Variants in RNASE10 observed in about 807,000 individuals in gnomAD.
RNASE10 encodes the protein inactive ribonuclease-like protein 10.
RNASE10 carries 2 observed loss-of-function variants against 1.1 expected under a neutral mutation model. The ratio of observed to expected loss-of-function variants is 1.82; its 90% CI spans 0.74 to 5.73. The LOEUF (loss-of-function observed/expected upper bound fraction) is 5.73, where lower values mean the gene tolerates loss of function less well. Ranked by LOEUF, RNASE10 falls within the 30% of genes most tolerant of loss-of-function variation. RNASE10 has a pLI of 0.05. For synonymous variants in RNASE10, 97 were observed against 96.2 expected, an observed-to-expected ratio of 1.01 and a Z score of -0.05; for missense variants, 276 against 263.4, an observed-to-expected ratio of 1.05 and a Z score of -0.33.
At chr14:20,504,920 G>A (rs549925987), upstream of RNASE10, among the ~76,000 whole-genome samples, 1 of 151,924 alleles carries the variant, frequency 6.6e-6, no homozygotes, top group South Asian at 2.1e-4. Flanking sequence ...GCCAGCCCCC[G>A]CCACACGTAC....
chr14:20,506,345 C>G (rs1485350314), intron 1 of RNASE10, among the ~76,000 whole-genome samples: 2 of 129,284 alleles, frequency 1.5e-5, no homozygotes, highest in African/African-American at 6.1e-5. Context: ...GCCAGCCGCC[C>G]AGTCCGGGAG....
At chr14:20,511,208 T>A, downstream of RNASE10, 2 of 1,102,710 alleles carry the variant, frequency 1.8e-6, no homozygotes, top group Non-Finnish European at 1.2e-6. Flanking sequence ...CTCCTGATCT[T>A]AGGTATCATG....
At chr14:20,511,744 C>G (rs1393019638), downstream of RNASE10, among the ~76,000 whole-genome samples, 1 of 152,162 alleles carries the variant, frequency 6.6e-6, no homozygotes, top group African/African-American at 2.4e-5. Flanking sequence ...CTTCACTGCC[C>G]TTTTCTCTTT....
chr14:20,512,850 C>T (rs1051775416), downstream of RNASE10, among the ~76,000 whole-genome samples: 1 of 151,870 alleles, frequency 6.6e-6, no homozygotes, highest in Non-Finnish European at 1.5e-5. Flanking sequence ...AATCCCTCTC[C>T]GGGGAAAGAG....
intron 1 of RNASE10, among the ~76,000 whole-genome samples, chr14:20,507,899 C>T (rs1314854392): frequency 1.3e-5 from 2 of 152,028 alleles, no homozygotes; most frequent in Non-Finnish European, 2.9e-5. Flanking sequence ...AGACACACGC[C>T]ACCAAGCCAG....
chr14:20,511,285 T>A, downstream of RNASE10: 1 of 520,008 alleles, frequency 1.9e-6, no homozygotes, highest in Non-Finnish European at 3.2e-6. Flanking sequence ...TTAGAGATGG[T>A]AGGATAAGGT....
chr14:20,510,626 A>C lies in RNASE10; in HGVS notation c.239A>C (p.Lys80Thr), dbSNP rs770499878. 2.5e-6 allele frequency: 4 copies of C among 1,614,100 alleles called. No individual in the cohort carries two copies. The South Asian group carries it at 4.4e-5, about 18-fold the overall frequency. ...TTTTGGTCCAGTGACTCACAGGACAAAGCTGAGGCCACTGAGGAGGGAGAC... is the reference window on the plus strand; with the variant it reads ...TTTTGGTCCAGTGACTCACAGGACACAGCTGAGGCCACTGAGGAGGGAGAC... Residue 80 changes from lysine to threonine, a missense_variant, in exon 2 of 2, where the codon AAA (lysine) becomes ACA (threonine). Coordinates refer to ENST00000430083, the Ensembl canonical transcript of RNASE10.
At chr14:20,506,186 G>GGC (rs1336862905) in intron 1 of RNASE10, among the ~76,000 whole-genome samples, 167 bp downstream of exon 1, 57 of 139,892 alleles carry the variant, frequency 4.1e-4, no homozygotes, top group African/African-American at 1.4e-3. Flanking sequence ...GGGAGGTGGG[G>GGC]GGGGGTCAGC....
At chr14:20,510,137 AAAAG>A (rs999166597) in intron 1 of RNASE10, among the ~76,000 whole-genome samples, 3 of 151,954 alleles carry the variant, frequency 2.0e-5, no homozygotes, top group Non-Finnish European at 2.9e-5. Context: ...AAAAAAAAAA[AAAAG>A]AATCAATTGA....
chr14:20,508,205 A>T (rs546632124), intron 1 of RNASE10, among the ~76,000 whole-genome samples: 4 of 152,326 alleles, frequency 2.6e-5, no homozygotes, highest in African/African-American at 9.6e-5. Context: ...AAGAAGAAGG[A>T]TATTTTCTTA....
At chr14:20,510,306 G>C (rs1234798051) in intron 1 of RNASE10, 161 bp from the exon 2 acceptor site, 42 of 1,035,760 alleles carry the variant, frequency 4.1e-5, no homozygotes, top group Non-Finnish European at 5.3e-5. Context: ...AGAGAAATGG[G>C]AATGGAAAGA....
At chr14:20,505,171 ACT>A (rs1276604806), upstream of RNASE10, among the ~76,000 whole-genome samples, 3 of 150,042 alleles carry the variant, frequency 2.0e-5, no homozygotes, top group Non-Finnish European at 4.4e-5. Flanking sequence ...AAAAAGTAAA[ACT>A]CTGATTGATT....
downstream of RNASE10, among the ~76,000 whole-genome samples, chr14:20,512,152 A>G (rs1266099673): frequency 1.3e-5 from 2 of 152,212 alleles, no homozygotes; most frequent in Non-Finnish European, 1.5e-5. Flanking sequence ...ATGTGGGATG[A>G]ATGGGATGGG....
At chr14:20,505,081 C>T (rs1210547701), upstream of RNASE10, among the ~76,000 whole-genome samples, 2 of 151,856 alleles carry the variant, frequency 1.3e-5, no homozygotes, top group Non-Finnish European at 2.9e-5. Context: ...CCTTGATCTG[C>T]GGTTCTACAA....
chr14:20,505,269 T>G (rs891588094), upstream of RNASE10, among the ~76,000 whole-genome samples: 1 of 10,976 alleles, frequency 9.1e-5, no homozygotes, highest in African/African-American at 8.2e-4. Context: ...TTGCTCCCTC[T>G]CCCTCTCCCT....
chr14:20,513,835 A>G (rs964616571), downstream of RNASE10, among the ~76,000 whole-genome samples: 2 of 152,248 alleles, frequency 1.3e-5, no homozygotes, highest in Non-Finnish European at 2.9e-5. Context: ...TGGGATCTAT[A>G]TATACTATTT....
At chr14:20,512,657 T>G (rs546407247), downstream of RNASE10, among the ~76,000 whole-genome samples, 1 of 152,320 alleles carries the variant, frequency 6.6e-6, no homozygotes, top group Non-Finnish European at 1.5e-5. Flanking sequence ...ATATATCCCT[T>G]ATACCTCTGA....
upstream of RNASE10, among the ~76,000 whole-genome samples, chr14:20,504,704 A>AAAAAAAAAAAAAC (rs1882646985): frequency 6.8e-6 from 1 of 146,036 alleles, no homozygotes; most frequent in Non-Finnish European, 1.5e-5. Context: ...AAAAAAAAAA[A>AAAAAAAAAAAAAC]AAGGAATCTG....
At chr14:20,512,042 AAAAAGAGAGAGG>A (rs1882911498), downstream of RNASE10, among the ~76,000 whole-genome samples, 3 of 152,272 alleles carry the variant, frequency 2.0e-5, no homozygotes, top group Admixed American at 1.3e-4. Context: ...AGAGAATGAG[AAAAAGAGAGAGG>A]AAAAGAGAGA....
Sources: gnomAD v4.1 joint callset for allele counts (sites outside exome capture counted in the v4.1 genomes callset) on GRCh38, gnomAD v4.1.1 for gene constraint, MANE v1.5 for transcripts, NCBI Gene and HGNC (gene_info 2026-07-23, HGNC 2026-07-21) for gene names.